The following SVIL variants were observed in gnomAD, a reference collection of about 807,000 sequenced individuals.
SVIL encodes archvillin.
In SVIL, 101 loss-of-function variants were observed where a neutral mutation model predicts 240.4. The ratio of observed to expected loss-of-function variants is 0.42; its 90% confidence interval spans 0.36 to 0.50. The LOEUF (loss-of-function observed/expected upper bound fraction) is 0.50, where lower values mean the gene tolerates loss of function less well. Ranked by LOEUF, SVIL falls within the 20% of genes least tolerant of loss-of-function variation. The probability of loss-of-function intolerance (pLI) is 0.01; values close to 1 mark genes in which losing one functional copy is unlikely to be tolerated. For missense variants in SVIL, 2,512 were observed against 2,818.7 expected (o/e 0.89, Z 2.46); for synonymous variants, 999 against 1,100.0 (o/e 0.91, Z 1.82).
At chr10:29,523,354 A>G in intron 15 of SVIL, 97 bp downstream of exon 15, 3 of 1,170,430 alleles carry the variant, frequency 2.6e-6, no homozygotes, top group South Asian at 1.6e-5. Context: ...TAAACTGCCT[A>G]TAGAACTTTG....
chr10:29,652,381 A>G (rs1958866378), intron 3 of SVIL, among the ~76,000 whole-genome samples: 1 of 152,210 alleles, frequency 6.6e-6, no homozygotes, highest in Admixed American at 6.5e-5. Context: ...TGTCAGCACT[A>G]CAATCCTTTT....
intron 2 of SVIL, among the ~76,000 whole-genome samples, chr10:29,662,217 C>T (rs1959169501): frequency 6.6e-6 from 1 of 152,182 alleles, no homozygotes; most frequent in Admixed American, 6.5e-5. Flanking sequence ...CCTCCCCGGT[C>T]TCATACAAAT....
chr10:29,523,332 C>A, intron 15 of SVIL, 119 bp downstream of exon 15: 1 of 905,014 alleles, frequency 1.1e-6, no homozygotes, highest in African/African-American at 1.7e-5. Context: ...AACTTTTAAC[C>A]AATACTAGCT....
At chr10:29,462,523 C>T (rs893255030) in intron 35 of SVIL, 122 bp from the exon 36 acceptor site, 2 of 1,326,264 alleles carry the variant, frequency 1.5e-6, no homozygotes, top group Admixed American at 4.8e-5. Context: ...TGCAAGTTAC[C>T]AGTAGTTCAT....
intron 27 of SVIL, chr10:29,483,366 C>T (rs1445794898): frequency 6.6e-6 from 1 of 152,208 alleles, no homozygotes; most frequent in African/African-American, 2.4e-5. Context: ...GCCTCATTTG[C>T]TAAGAAGGTC....
chr10:29,532,035 G>T lies in SVIL; in HGVS notation c.1976C>A (p.Pro659His). ...TTCCTTTCGTTCTGCTGAAGTTATA[G>T]GTTGGGTTCTAAATCTCTCGGAAGT... ...RKTSERFRTQ[P>H]ITSAERKESD... The change falls in exon 9 of 38, where the codon CCT becomes CAT. Residue 659 changes from proline (P) to histidine (H), a missense_variant. Physicochemically the swap from Pro to His is moderately conservative, Grantham distance 77. Around this residue, in one of 3 missense-constraint regions of SVIL, gnomAD observed 1,443 missense variants for 1,486.6 expected, o/e 0.97. Transcript: ENST00000355867. 6.2e-7 allele frequency: 1 copy of T among 1,614,204 alleles called. No homozygotes were observed. Among genetic ancestry groups the T allele is most frequent in the Non-Finnish European group, 8.5e-7 (1 of 1,180,032 alleles).
chr10:29,563,881 GCATCTTAATA>G (rs3834395), intron 2 of SVIL, among the ~76,000 whole-genome samples: 64,347 of 150,058 alleles, frequency 0.43, 13,824 homozygotes, highest in African/African-American at 0.46. Context: ...TCTCCTTAAT[GCATCTTAATA>G]CATCTTAATA....
intron 2 of SVIL, among the ~76,000 whole-genome samples, chr10:29,680,618 A>C (rs1960561807): frequency 6.6e-6 from 1 of 152,150 alleles, no homozygotes; most frequent in Non-Finnish European, 1.5e-5. Context: ...GTTTAGGGCA[A>C]ATCAAAAATA....
rs1266917061 is a variant in SVIL at position 29,473,857 on chromosome 10, T to C, written c.5510A>G (p.Asp1837Gly). ...ACTCACCTGGGCCCCCCTTTCCTCG[T>C]CCAGCTCCACCGTCATCAGCGCCGA... ...GTSALMTVEL[D>G]EERGAQVQVL... The change falls in exon 30 of 38, where the codon GAC (aspartate) becomes GGC (glycine). Residue 1837 changes from aspartate to glycine, a missense_variant. Around this residue, in one of 3 missense-constraint regions of SVIL, gnomAD observed 797 missense variants for 925.3 expected, o/e 0.86. Coordinates refer to ENST00000355867, the MANE Select transcript of SVIL (RefSeq NM_021738.3). 1 of 1,613,818 alleles carries C rather than the reference T, an allele frequency of 6.2e-7. No homozygotes were observed. The highest frequency in any genetic ancestry group is 2.2e-5 in the East Asian group (1 of 44,838).
rs60844786 is a variant in SVIL, at chr10:29,634,193, T to TA, written c.-201+226dup. Among the ~76,000 whole-genome samples the TA allele has an allele frequency of 7.8e-3, 1,090 of 139,600 alleles. 8 individuals are homozygous for TA. The highest frequency in any genetic ancestry group is 0.019 in the South Asian group (83 of 4,374). 91.6% of individuals were successfully genotyped at this position (139,600 alleles called of 152,430 possible). A position where few individuals can be genotyped will look rare whatever the true frequency, so the allele number is the denominator to read the frequency against. ...TTTCTCTACCATAAAGTAAATCCTT[T>TA]AAAAAAAAAAAAAAGTCCAATCCTT... On this transcript the variant is annotated intron_variant, in intron 1 of 37. Coordinates refer to ENST00000355867, the MANE Select transcript of SVIL (RefSeq NM_021738.3).
rs1949646418 is a variant in SVIL, at chr10:29,509,358, A to AGAGAGAGAGAGAGAGAG, written c.3516+3360_3516+3376dup. ...GAGAGAGAGAGAGAGAGAGAGAGAG[A>AGAGAGAGAGAGAGAGAG]GAGAGAGAGAGAGAGAGAGAGAATA... is the stretch of plus-strand genomic sequence containing the variant. On this transcript the variant is annotated intron_variant, in intron 17 of 37. Coordinates refer to ENST00000355867, the MANE Select transcript of SVIL (RefSeq NM_021738.3). Among the ~76,000 whole-genome samples the AGAGAGAGAGAGAGAGAG allele has an allele frequency of 1.8e-3, 236 of 128,840 alleles. 2 individuals are homozygous for AGAGAGAGAGAGAGAGAG. The highest frequency in any genetic ancestry group is 6.0e-3 in the African/African-American group (204 of 34,228). The allele number at this position is 128,840 out of a possible 152,430, so 84.5% of individuals were successfully genotyped here.
intron 34 of SVIL, among the ~76,000 whole-genome samples, chr10:29,464,434 G>C (rs1458593989): frequency 6.6e-6 from 1 of 152,060 alleles, no homozygotes; most frequent in Non-Finnish European, 1.5e-5. Flanking sequence ...GTAAGACCCT[G>C]TCTCTAAAAA....
intron 3 of SVIL, among the ~76,000 whole-genome samples, chr10:29,559,337 G>A (rs1274002012): frequency 2.0e-5 from 3 of 151,676 alleles, no homozygotes. Context: ...GTGCATATGT[G>A]TCTATGTACA....
chr10:29,549,188 A>G (rs1952986408), intron 6 of SVIL, among the ~76,000 whole-genome samples: 2 of 138,898 alleles, frequency 1.4e-5, no homozygotes, highest in Non-Finnish European at 1.6e-5. Flanking sequence ...ACAAACAAAC[A>G]ACCCCATCAA....
In SVIL at chr10:29,543,250, C is replaced by A. The variant is rs1952329097; in HGVS notation, c.828-7181G>T. 2.0e-5 allele frequency among the ~76,000 whole-genome samples: 3 copies of A among 152,138 alleles called. No homozygotes were observed. The South Asian group carries it at 6.2e-4, about 32-fold the overall frequency. On this transcript the variant is annotated intron_variant, in intron 6 of 37. Transcript: ENST00000355867. ...AGTTACCAAAACACAACAAAACAAC[C>A]TGGAAAGGTCAAGAAAGCAGGGCAG...
chr10:29,708,714 C>T (rs1198979184), intron 1 of SVIL, among the ~76,000 whole-genome samples: 1 of 152,000 alleles, frequency 6.6e-6, no homozygotes, highest in African/African-American at 2.4e-5. Flanking sequence ...ATGCAGAATG[C>T]TATAAAAAGT....
intron 2 of SVIL, among the ~76,000 whole-genome samples, 196 bp from the exon 3 acceptor site, chr10:29,563,488 T>G (rs1453051554): frequency 6.6e-6 from 1 of 152,176 alleles, no homozygotes; most frequent in Non-Finnish European, 1.5e-5. Context: ...TATTTGATTT[T>G]TTGTGCAACT....
intron 12 of SVIL, among the ~76,000 whole-genome samples, chr10:29,528,729 A>G (rs530149063): frequency 6.6e-6 from 1 of 152,152 alleles, no homozygotes; most frequent in South Asian, 2.1e-4. Flanking sequence ...AGAGTGAGAC[A>G]CTGCCTCAAA....
At chr10:29,534,592 T>C (rs939986218) in intron 7 of SVIL, among the ~76,000 whole-genome samples, 1 of 152,210 alleles carries the variant, frequency 6.6e-6, no homozygotes, top group Non-Finnish European at 1.5e-5. Flanking sequence ...CTGACATCCT[T>C]TTCAAAAGCT....
Sources: gnomAD v4.1 joint callset for allele counts (sites outside exome capture counted in the v4.1 genomes callset) on GRCh38, gnomAD v4.1.1 for gene constraint, gnomAD v4.1.1 regional missense constraint, MANE v1.5 for transcripts, NCBI Gene and HGNC (gene_info 2026-07-23, HGNC 2026-07-21) for gene names.